Variants in AXIN2 observed in about 807,000 individuals in gnomAD.
The protein encoded by AXIN2 is axin-2.
In AXIN2, 21 loss-of-function variants were observed where a neutral mutation model predicts 74.7. That is an observed-to-expected ratio of 0.28 (90% confidence interval 0.20 to 0.40). The LOEUF (loss-of-function observed/expected upper bound fraction) is 0.40. Ranked by LOEUF, AXIN2 falls within the 10% of genes least tolerant of loss-of-function variation. AXIN2 has a pLI of 1.00. For missense variants in AXIN2, 1,144 were observed against 1,111.1 expected (o/e 1.03, Z -0.42); for synonymous variants, 532 against 454.9 (o/e 1.17, Z -2.16).
At chr17:65,548,481 T>C (rs2044146524) in intron 3 of AXIN2, among the ~76,000 whole-genome samples, 1 of 152,190 alleles carries the variant, frequency 6.6e-6, no homozygotes, top group South Asian at 2.1e-4. Flanking sequence ...GTTCAATGGG[T>C]TTGCCTTTCA....
At chr17:65,553,606 C>T (rs1193461863) in intron 2 of AXIN2, among the ~76,000 whole-genome samples, 4 of 152,144 alleles carry the variant, frequency 2.6e-5, no homozygotes, top group Non-Finnish European at 4.4e-5. Flanking sequence ...TCACTTCCAA[C>T]ATAGAGGACT....
chr17:65,546,172 T>C (rs561986509), intron 3 of AXIN2, among the ~76,000 whole-genome samples: 156 of 151,640 alleles, frequency 1.0e-3, no homozygotes, highest in African/African-American at 3.7e-3. Flanking sequence ...CTTTTCATGC[T>C]TTATGGGGCG....
intron 4 of AXIN2, among the ~76,000 whole-genome samples, chr17:65,540,650 G>A (rs1273505525): frequency 1.3e-5 from 2 of 152,152 alleles, no homozygotes; most frequent in African/African-American, 4.8e-5. Context: ...CCTCCCTGCA[G>A]TAATGAGCAA....
chr17:65,535,574 T>C, intron 9 of AXIN2, 52 bp downstream of exon 9: 1 of 1,559,524 alleles, frequency 6.4e-7, no homozygotes, highest in Non-Finnish European at 8.8e-7. Flanking sequence ...GCGAATATTC[T>C]GAAACATAAA....
At chr17:65,536,696 G>T in intron 7 of AXIN2, 143 bp from the exon 8 acceptor site, 1 of 1,373,856 alleles carries the variant, frequency 7.3e-7, no homozygotes, top group Non-Finnish European at 1.0e-6. Flanking sequence ...ACAGGGGTCA[G>T]TGCCAAAACA....
rs2044163758 is a variant in AXIN2 at position 65,549,596 on chromosome 17, C to G, written c.880G>C (p.Ala294Pro). ...ATCTCACTGTCGTTGGCGCTGGTGG[C>G]TGGTGCAAAGACATAGCCAGAACCT... ...HIGSGYVFAP[A>P]TSANDSEISS... The change falls in exon 3 of 11, where the codon GCC becomes CCC. Residue 294 changes from alanine to proline, a missense_variant. Transcript: ENST00000307078. 2.5e-6 allele frequency: 4 copies of G among 1,607,206 alleles called. No homozygotes were observed. In the East Asian group the frequency reaches 9.0e-5, roughly 36 times the overall value.
intron 2 of AXIN2, among the ~76,000 whole-genome samples, chr17:65,552,905 G>A (rs1189362368): frequency 1.3e-5 from 2 of 152,106 alleles, no homozygotes; most frequent in African/African-American, 2.4e-5. Flanking sequence ...GCGCGTGCTT[G>A]TAATCCCAGC....
chr17:65,530,229 G>A (rs1486285115), intron 10 of AXIN2, 127 bp from the exon 11 acceptor site: 2 of 1,269,364 alleles, frequency 1.6e-6, no homozygotes, highest in Non-Finnish European at 2.2e-6. Flanking sequence ...CCTGTACACT[G>A]TTGCGCACAT....
In AXIN2 at chr17:65,537,568, C is replaced by T. The variant is rs1486551074; in HGVS notation, c.1468G>A (p.Ala490Thr). 4.3e-6 allele frequency: 7 copies of T among 1,610,382 alleles called. No homozygotes were observed. In the African/African-American group the frequency reaches 6.7e-5, roughly 15 times the overall value. The change falls in exon 6 of 11, where the codon GCG becomes ACG. Residue 490 changes from alanine (A) to threonine (T), a missense_variant. Around this residue, in one of 4 missense-constraint regions of AXIN2, gnomAD observed 1,053 missense variants for 973.5 expected, o/e 1.08. Coordinates refer to ENST00000307078, the MANE Select transcript of AXIN2 (RefSeq NM_004655.4). Reference protein sequence around the residue: ...LLPPGGKLPPAAASPGACPLL... With the variant: ...LLPPGGKLPPTAASPGACPLL... Reference sequence around the variant, plus strand: ...GGGCAGGCGCCCGGCGAGGCGGCCGCGGGAGGCAGCTTGCCACCGGGCGGG... The same window carrying T: ...GGGCAGGCGCCCGGCGAGGCGGCCGTGGGAGGCAGCTTGCCACCGGGCGGG...
Position 65,536,893 on chromosome 17 carries a change from C to A in AXIN2, c.1883G>T (p.Arg628Leu), listed in dbSNP as rs2043931823. The A allele has an allele frequency of 6.2e-7, 1 of 1,613,448 alleles. No homozygotes were observed. Among genetic ancestry groups the A allele is most frequent in the Admixed American group, 1.7e-5 (1 of 60,030 alleles). Residue 628 changes from arginine (R) to leucine (L), a missense_variant, in exon 7 of 11, where the codon CGG (arginine) becomes CTG (leucine). Arg to Leu is a moderately radical substitution (Grantham distance 102). Transcript: ENST00000307078. ...CCTATGGGGCTTGGGCTTGCTCTGC[C>A]GCTCACTCTCCAGCATCCACTGCCA... is the stretch of plus-strand genomic sequence containing the variant. ...DVWQWMLESE[R>L]QSKPKPHSAQ... is the part of the protein sequence containing the mutation.
chr17:65,549,350 T>C (rs2044159012), intron 3 of AXIN2, among the ~76,000 whole-genome samples, 170 bp downstream of exon 3: 2 of 152,218 alleles, frequency 1.3e-5, no homozygotes, highest in African/African-American at 4.8e-5. Flanking sequence ...CATGTCATCC[T>C]CCTTAATCAG....
At chr17:65,553,855 G>C (rs542111721) in intron 2 of AXIN2, among the ~76,000 whole-genome samples, 21 of 148,534 alleles carry the variant, frequency 1.4e-4, no homozygotes, top group South Asian at 6.7e-4. Flanking sequence ...GGCGGGGGGG[G>C]GGGGAGGAAA....
At chr17:65,540,038 T>C (rs1264457762) in intron 4 of AXIN2, among the ~76,000 whole-genome samples, 1 of 152,226 alleles carries the variant, frequency 6.6e-6, no homozygotes, top group Non-Finnish European at 1.5e-5. Flanking sequence ...ACTTCGTTCA[T>C]TCCGCATTTG....
chr17:65,547,121 TAAAAG>T (rs890964083), intron 3 of AXIN2, among the ~76,000 whole-genome samples: 24 of 152,216 alleles, frequency 1.6e-4, no homozygotes, highest in Admixed American at 4.6e-4. Flanking sequence ...CACCTCTAAA[TAAAAG>T]AAAGTTTTTC....
At chr17:65,547,338 G>A (rs749442753) in intron 3 of AXIN2, among the ~76,000 whole-genome samples, 9 of 152,180 alleles carry the variant, frequency 5.9e-5, no homozygotes, top group Admixed American at 1.3e-4. Context: ...TGTTGAGAAC[G>A]CTCATGCCTG....
chr17:65,537,527 T>C lies in AXIN2; in HGVS notation c.1509A>G (p.Lys503=), dbSNP rs1689259583. ...SPGACPLLGG[K]GFVTKQTTKH... ...TCGTCGTCTGCTTGGTCACAAAGCC[T>C]TTGCCCCCGAGGAGGGGGCAGGCGC... Residue 503 remains lysine, a synonymous_variant, in exon 6 of 11, where the codon AAA becomes AAG. Transcript: ENST00000307078. The C allele has an allele frequency of 3.1e-6, 5 of 1,613,392 alleles. No homozygotes were observed. The highest frequency in any genetic ancestry group is 4.2e-6 in the Non-Finnish European group (5 of 1,179,890).
intron 4 of AXIN2, among the ~76,000 whole-genome samples, chr17:65,540,476 G>A (rs1380564096): frequency 1.3e-5 from 2 of 152,154 alleles, no homozygotes; most frequent in Non-Finnish European, 2.9e-5. Context: ...AAGTGCTTCA[G>A]TTTCTTTCTG....
chr17:65,537,665 T>C lies in AXIN2; in HGVS notation c.1371A>G (p.Val457=), dbSNP rs757050940. 22 of 1,562,632 alleles carry C rather than the reference T, an allele frequency of 1.4e-5. No homozygotes were observed. In the South Asian group the frequency reaches 2.4e-4, roughly 17 times the overall value. The change falls in exon 6 of 11, where the codon GTA becomes GTG. Residue 457 remains valine (V), a synonymous_variant. Coordinates refer to ENST00000307078, the MANE Select transcript of AXIN2 (RefSeq NM_004655.4). ...AGCGGGAGCGGGGGCTATAGCGGCC[T>C]ACGCCTGGAGACTGGCAGCCAGGGG... ...LKTPGCQSPG[V]GRYSPRSRSP...
chr17:65,561,158 G>A (rs1212615478), intron 1 of AXIN2: 1 of 150,024 alleles, frequency 6.7e-6, no homozygotes, highest in Non-Finnish European at 1.5e-5. Flanking sequence ...TGTCCTCCGG[G>A]CGCTTCCAAC....
Sources: allele counts gnomAD v4.1 joint callset (sites outside exome capture counted in the v4.1 genomes callset), GRCh38; gene constraint gnomAD v4.1.1; regional missense constraint gnomAD v4.1.1; transcripts MANE v1.5; gene names NCBI Gene and HGNC (gene_info 2026-07-23, HGNC 2026-07-21).